The following EXOC4 variants were observed in gnomAD, a reference collection of about 807,000 sequenced individuals.
EXOC4 encodes SEC8-like 1.
A neutral mutation model predicts 107.2 loss-of-function variants in EXOC4; 71 were observed. The observed-to-expected ratio is 0.66, with a 90% confidence interval of 0.55 to 0.81. The LOEUF is 0.81. Ranked by LOEUF, EXOC4 falls within the 30% of genes least tolerant of loss-of-function variation. The pLI, the probability that EXOC4 is intolerant of heterozygous loss-of-function variation, is 0.00. For missense variants in EXOC4, 1,108 were observed against 1,189.6 expected (o/e 0.93, Z 1.01); for synonymous variants, 456 against 441.2 (o/e 1.03, Z -0.42).
At chr7:133,255,525 T>C (rs1794997401) in intron 1 of EXOC4, among the ~76,000 whole-genome samples, 1 of 152,142 alleles carries the variant, frequency 6.6e-6, no homozygotes. Context: ...CATAACACTT[T>C]TGTGATATAG....
At chr7:133,608,990 A>G (rs1385316278) in intron 9 of EXOC4, among the ~76,000 whole-genome samples, 1 of 152,154 alleles carries the variant, frequency 6.6e-6, no homozygotes, top group Non-Finnish European at 1.5e-5. Flanking sequence ...ATTTTACCAT[A>G]TTGGGTTCAT....
chr7:133,736,339 C>T (rs1293735712), intron 10 of EXOC4, among the ~76,000 whole-genome samples: 2 of 152,124 alleles, frequency 1.3e-5, no homozygotes, highest in Non-Finnish European at 2.9e-5. Flanking sequence ...GTGTTTTCAG[C>T]CCTGGTTGGA....
chr7:133,823,878 A>AT (rs1250460018), intron 11 of EXOC4, among the ~76,000 whole-genome samples: 637 of 19,620 alleles, frequency 0.032, 37 homozygotes, highest in South Asian at 0.069. Context: ...TATATTATAT[A>AT]TATATATATA....
intron 10 of EXOC4, among the ~76,000 whole-genome samples, chr7:133,721,188 G>GA (rs1190023447): frequency 4.6e-5 from 7 of 152,060 alleles, no homozygotes; most frequent in Non-Finnish European, 8.8e-5. Flanking sequence ...TTAAGATTAT[G>GA]AAAAAATCTG....
intron 16 of EXOC4, 115 bp from the exon 17 acceptor site, chr7:134,007,561 T>C (rs889450319): frequency 1.1e-6 from 1 of 928,316 alleles, no homozygotes; most frequent in Non-Finnish European, 1.5e-6. Context: ...AGATTTTCTT[T>C]GGTCGTTTAA....
intron 10 of EXOC4, among the ~76,000 whole-genome samples, chr7:133,692,447 C>T (rs570726587): frequency 7.2e-5 from 11 of 152,278 alleles, no homozygotes; most frequent in African/African-American, 2.6e-4. Context: ...CTCTTTAACA[C>T]CACCTCCTGC....
intron 10 of EXOC4, among the ~76,000 whole-genome samples, chr7:133,781,124 T>G (rs570095614): frequency 1.3e-5 from 2 of 152,352 alleles, no homozygotes; most frequent in East Asian, 3.9e-4. Context: ...CTCTTGGATA[T>G]TATGTCTTTC....
chr7:133,864,893 T>TA (rs1798604953), intron 11 of EXOC4, among the ~76,000 whole-genome samples: 1 of 152,194 alleles, frequency 6.6e-6, no homozygotes, highest in African/African-American at 2.4e-5. Context: ...TAACACTTGA[T>TA]AAATTTCATG....
intron 9 of EXOC4, among the ~76,000 whole-genome samples, chr7:133,582,445 A>G (rs1397401549): frequency 6.6e-6 from 1 of 152,196 alleles, no homozygotes; most frequent in Non-Finnish European, 1.5e-5. Context: ...GTCCTTATAG[A>G]TGTTACTGAA....
At chr7:133,970,971 G>A (rs1203132318) in intron 14 of EXOC4, among the ~76,000 whole-genome samples, 1 of 152,028 alleles carries the variant, frequency 6.6e-6, no homozygotes, top group Non-Finnish European at 1.5e-5. Context: ...AAGTCTTTGA[G>A]AAATGTCTTC....
intron 2 of EXOC4, among the ~76,000 whole-genome samples, chr7:133,277,420 T>G (rs1794021668): frequency 6.6e-6 from 1 of 152,210 alleles, no homozygotes; most frequent in African/African-American, 2.4e-5. Flanking sequence ...CCTAATCTCA[T>G]GGGCATGGGA....
At chr7:133,751,138 G>T (rs909683172) in intron 10 of EXOC4, among the ~76,000 whole-genome samples, 1 of 152,182 alleles carries the variant, frequency 6.6e-6, no homozygotes, top group Non-Finnish European at 1.5e-5. Context: ...GGTCACAAAG[G>T]CAGCTTTAAT....
At chr7:134,068,140 CTT>C (rs746809895), downstream of EXOC4, among the ~76,000 whole-genome samples, 6 of 152,320 alleles carry the variant, frequency 3.9e-5, no homozygotes, top group Admixed American at 2.0e-4. Flanking sequence ...TCTTGAAACT[CTT>C]GACACCACAC....
chr7:133,725,474 C>G (rs1289122214), intron 10 of EXOC4, among the ~76,000 whole-genome samples: 2 of 152,164 alleles, frequency 1.3e-5, no homozygotes, highest in Non-Finnish European at 2.9e-5. Flanking sequence ...CTCCTGGGTT[C>G]AAGTGATTCT....
intron 10 of EXOC4, among the ~76,000 whole-genome samples, chr7:133,637,672 G>A (rs993129181): frequency 2.0e-5 from 3 of 152,166 alleles, no homozygotes; most frequent in Non-Finnish European, 1.5e-5. Context: ...TGCCTGACCT[G>A]TAAGGTCTGT....
intron 9 of EXOC4, among the ~76,000 whole-genome samples, chr7:133,528,928 G>T (rs1017845842): frequency 6.6e-6 from 1 of 152,104 alleles, no homozygotes. Context: ...AGGGACCCTG[G>T]AGTTTTGTAT....
chr7:133,512,582 G>T (rs562298231), intron 9 of EXOC4, among the ~76,000 whole-genome samples: 2 of 152,076 alleles, frequency 1.3e-5, no homozygotes, highest in Non-Finnish European at 2.9e-5. Flanking sequence ...AGTTGTGAAG[G>T]CTCCCAGTGA....
chr7:133,904,912 GCTGAGGA>G, intron 12 of EXOC4, among the ~76,000 whole-genome samples: 1 of 152,160 alleles, frequency 6.6e-6, no homozygotes, highest in East Asian at 1.9e-4. Context: ...ATTGGCACCT[GCTGAGGA>G]CTAATTAGGG....
rs776194165 is a variant in EXOC4 at position 133,317,372 on chromosome 7, A to G, written c.745A>G (p.Thr249Ala). Residue 249 changes from threonine to alanine, a missense_variant, in exon 5 of 18, where the codon ACT (threonine) becomes GCT (alanine). By Grantham distance (58) the Thr-to-Ala change is moderately conservative. Coordinates refer to ENST00000253861, the MANE Select transcript of EXOC4 (RefSeq NM_021807.4). ...RKFLDTSHYSTAGSSSVREIN... is the reference protein window; with the variant it reads ...RKFLDTSHYSAAGSSSVREIN... ...ATTCCTTGATACCTCTCACTATTCT[A>G]CTGCTGGAAGCTCAAGTGGTAAGTA... 6.2e-6 allele frequency: 10 copies of G among 1,606,702 alleles called. No homozygotes were observed. Among genetic ancestry groups the G allele is most frequent in the South Asian group, 1.1e-5 (1 of 90,902 alleles).
Sources: gnomAD v4.1 joint callset for allele counts (sites outside exome capture counted in the v4.1 genomes callset) on GRCh38, gnomAD v4.1.1 for gene constraint, MANE v1.5 for transcripts, NCBI Gene and HGNC (gene_info 2026-07-23, HGNC 2026-07-21) for gene names.